JAM3: variants seen among roughly 807,000 people sequenced by gnomAD.
JAM3 encodes junctional adhesion molecule C.
In JAM3, 31 loss-of-function variants were observed where a neutral mutation model predicts 39.4. That is an observed-to-expected ratio of 0.79 (90% confidence interval 0.59 to 1.06). The LOEUF (loss-of-function observed/expected upper bound fraction) is 1.06. Among genes scored for constraint, JAM3 ranks in the 50% least tolerant of loss-of-function variants. The pLI, the probability that JAM3 is intolerant of heterozygous loss-of-function variation, is 0.00. For synonymous variants in JAM3, 182 were observed against 148.7 expected (o/e 1.22, Z -1.63); for missense variants, 455 against 391.4 (o/e 1.16, Z -1.37).
intron 1 of JAM3, among the ~76,000 whole-genome samples, chr11:134,103,645 TTAAAA>T (rs1394643150): frequency 2.6e-5 from 4 of 151,996 alleles, no homozygotes; most frequent in African/African-American, 7.3e-5. Context: ...ACACATAGGC[TTAAAA>T]TAAAGGGATG....
chr11:134,129,081 C>G (rs1565499271), intron 1 of JAM3, among the ~76,000 whole-genome samples: 2 of 151,392 alleles, frequency 1.3e-5, no homozygotes, highest in South Asian at 2.1e-4. Flanking sequence ...CTCATATTAT[C>G]TTTCCCCTGT....
chr11:134,094,875 C>T (rs1185123939), intron 1 of JAM3, among the ~76,000 whole-genome samples: 3 of 152,148 alleles, frequency 2.0e-5, no homozygotes, highest in Non-Finnish European at 2.9e-5. Context: ...AAATATAGTA[C>T]GTGCTAGATG....
At chr11:134,079,289 A>G (rs1382837778) in intron 1 of JAM3, among the ~76,000 whole-genome samples, 1 of 152,176 alleles carries the variant, frequency 6.6e-6, no homozygotes, top group Non-Finnish European at 1.5e-5. Context: ...GCTATTCCAC[A>G]CTAGACAGCC....
chr11:134,083,925 A>G (rs1005357904), intron 1 of JAM3, among the ~76,000 whole-genome samples: 6 of 152,218 alleles, frequency 3.9e-5, no homozygotes, highest in South Asian at 2.1e-4. Context: ...GCCCTTTCAT[A>G]GAGAATTGGG....
At chr11:134,139,027 T>C (rs1942924920) in intron 1 of JAM3, among the ~76,000 whole-genome samples, 1 of 152,176 alleles carries the variant, frequency 6.6e-6, no homozygotes, top group South Asian at 2.1e-4. Context: ...GAAGGCCTTC[T>C]TTGGGGATGG....
At position 134,078,426 on chromosome 11, in the gene JAM3, A is replaced by G. The variant is rs916927874; in HGVS notation, c.76+9267A>G. On this transcript the variant is annotated intron_variant, in intron 1 of 8. Transcript: ENST00000299106. ...TGAGCCACCGCACCTGGCCCACTGA[A>G]GTGTTAAAATGACCCTTTGCTCTCA... is the stretch of plus-strand genomic sequence containing the variant. Among the ~76,000 whole-genome samples the G allele has an allele frequency of 2.0e-5, 3 of 152,156 alleles. No homozygotes were observed. In the East Asian group the frequency reaches 5.8e-4, roughly 29 times the overall value.
chr11:134,110,004 CAG>C (rs1942279002), intron 1 of JAM3, among the ~76,000 whole-genome samples: 1 of 152,120 alleles, frequency 6.6e-6, no homozygotes, highest in Non-Finnish European at 1.5e-5. Context: ...TCTAAAATGG[CAG>C]AGTTGAGTAA....
chr11:134,069,078 C>G lies in JAM3; in HGVS notation c.-6C>G, dbSNP rs1008678716. ...CGCTGCCGCTGGCCCCTCAGCAACCCTCGACATGGCGCTGAGGCGGCCACC... is the reference window on the plus strand; with the variant it reads ...CGCTGCCGCTGGCCCCTCAGCAACCGTCGACATGGCGCTGAGGCGGCCACC... On this transcript the variant is annotated 5_prime_UTR_variant, in exon 1 of 9. Coordinates refer to ENST00000299106, the MANE Select transcript of JAM3 (RefSeq NM_032801.5). 9 of 1,610,294 alleles carry G rather than the reference C, an allele frequency of 5.6e-6. No homozygotes were observed. The highest frequency in any genetic ancestry group is 1.7e-5 in the Admixed American group (1 of 59,856).
intron 1 of JAM3, among the ~76,000 whole-genome samples, chr11:134,125,565 T>A (rs1942633106): frequency 6.6e-6 from 1 of 152,182 alleles, no homozygotes; most frequent in South Asian, 2.1e-4. Flanking sequence ...TTTTACTTTG[T>A]ACTTGTAGCC....
chr11:134,138,246 G>A (rs1485599228), intron 1 of JAM3, among the ~76,000 whole-genome samples: 1 of 99,538 alleles, frequency 1.0e-5, no homozygotes, highest in Non-Finnish European at 2.1e-5. Context: ...CAGTGGTGGC[G>A]TCTCGTCGAA....
chr11:134,127,873 G>A (rs557586782), intron 1 of JAM3, among the ~76,000 whole-genome samples: 2 of 152,116 alleles, frequency 1.3e-5, no homozygotes, highest in Non-Finnish European at 2.9e-5. Flanking sequence ...CAGTATTCAG[G>A]GGACCTCTCC....
intron 1 of JAM3, among the ~76,000 whole-genome samples, chr11:134,121,448 C>T (rs915418847): frequency 5.3e-5 from 8 of 151,584 alleles, no homozygotes; most frequent in Non-Finnish European, 1.0e-4. Flanking sequence ...CCTCTCCTGC[C>T]TTATCATTCC....
intron 6 of JAM3, among the ~76,000 whole-genome samples, chr11:134,147,043 CTCA>C (rs1943086253): frequency 6.6e-6 from 1 of 152,192 alleles, no homozygotes; most frequent in Non-Finnish European, 1.5e-5. Context: ...AAGGATTCTT[CTCA>C]TGTGTCACGT....
At chr11:134,130,821 G>T (rs1942755670) in intron 1 of JAM3, among the ~76,000 whole-genome samples, 1 of 152,170 alleles carries the variant, frequency 6.6e-6, no homozygotes, top group South Asian at 2.1e-4. Context: ...CAGCCTTTCT[G>T]GGGGATACCT....
chr11:134,142,443 G>A lies in JAM3; in HGVS notation c.256+1673G>A, dbSNP rs184969145. The stretch of plus-strand genomic sequence containing the variant: ...TGCTCCATCGGAAGCATCTTTTAGT[G>A]TGCTGTTTTTAGTGTATTATGGCAA... On this transcript the variant is annotated intron_variant, in intron 3 of 8. Coordinates refer to ENST00000299106, the MANE Select transcript of JAM3 (RefSeq NM_032801.5). Among the ~76,000 whole-genome samples the A allele has an allele frequency of 2.0e-5, 3 of 152,280 alleles. No homozygotes were observed. In the East Asian group the frequency reaches 5.8e-4, roughly 29 times the overall value.
intron 1 of JAM3, among the ~76,000 whole-genome samples, chr11:134,080,531 C>A (rs151244114): frequency 2.6e-5 from 4 of 152,050 alleles, no homozygotes; most frequent in South Asian, 2.1e-4. Context: ...GAGATCTGAT[C>A]GGTTTAAAAA....
chr11:134,069,807 C>T (rs1353442438), intron 1 of JAM3, among the ~76,000 whole-genome samples: 1 of 152,196 alleles, frequency 6.6e-6, no homozygotes. Flanking sequence ...TCACAGCCCT[C>T]TGGGGATCTG....
intron 1 of JAM3, among the ~76,000 whole-genome samples, chr11:134,103,998 C>T (rs1386859553): frequency 1.3e-5 from 2 of 152,162 alleles, no homozygotes; most frequent in African/African-American, 4.8e-5. Flanking sequence ...CAGCTCTGCA[C>T]CAAGCGGACA....
chr11:134,112,439 A>G (rs1278586620), intron 1 of JAM3, among the ~76,000 whole-genome samples: 2 of 152,176 alleles, frequency 1.3e-5, no homozygotes, highest in African/African-American at 4.8e-5. Context: ...ATGGAAGTGC[A>G]GGTTTCAAGT....
Sources: allele counts gnomAD v4.1 joint callset (sites outside exome capture counted in the v4.1 genomes callset), GRCh38; gene constraint gnomAD v4.1.1; transcripts MANE v1.5; gene names NCBI Gene and HGNC (gene_info 2026-07-23, HGNC 2026-07-21).